Variants in LMBRD2 observed in about 807,000 individuals in gnomAD.
The protein encoded by LMBRD2 is G protein-coupled receptor-associated protein LMBRD2.
Under a neutral mutation model 94.4 loss-of-function variants are expected in LMBRD2, and 55 were observed. The observed-to-expected ratio is 0.58, with a 90% CI of 0.47 to 0.73. The LOEUF (loss-of-function observed/expected upper bound fraction) is 0.73. Among genes scored for constraint, LMBRD2 ranks in the 30% least tolerant of loss-of-function variants. LMBRD2 has a pLI of 0.00. For missense variants in LMBRD2, 640 were observed against 831.9 expected, an observed-to-expected ratio of 0.77 and a Z score of 2.84; for synonymous variants, 246 against 272.4, an observed-to-expected ratio of 0.90 and a Z score of 0.95.
intron 6 of LMBRD2, among the ~76,000 whole-genome samples, chr5:36,133,547 T>C (rs1298295845): frequency 6.6e-6 from 1 of 152,084 alleles, no homozygotes; most frequent in African/African-American, 2.4e-5. Context: ...GAAGAGCATG[T>C]ACGAAAATTT....
intron 6 of LMBRD2, among the ~76,000 whole-genome samples, chr5:36,127,479 C>T: frequency 6.6e-6 from 1 of 152,228 alleles, no homozygotes; most frequent in East Asian, 1.9e-4. Context: ...CCCCAGATTG[C>T]AGGACTCGGC....
chr5:36,126,079 C>T (rs1253911403), intron 6 of LMBRD2, among the ~76,000 whole-genome samples: 3 of 152,144 alleles, frequency 2.0e-5, no homozygotes, highest in Non-Finnish European at 4.4e-5. Flanking sequence ...AGCCCTTAAT[C>T]ATGGTTTATT....
chr5:36,112,450 A>G (rs1240699186), intron 13 of LMBRD2, among the ~76,000 whole-genome samples: 1 of 152,204 alleles, frequency 6.6e-6, no homozygotes, highest in African/African-American at 2.4e-5. Context: ...TGTGGGAATT[A>G]GACTAATTAT....
intron 4 of LMBRD2, 25 bp from the exon 5 acceptor site, chr5:36,137,466 T>C (rs773254714): frequency 1.4e-6 from 2 of 1,465,530 alleles, no homozygotes; most frequent in Middle Eastern, 2.0e-4. Flanking sequence ...AAAATATGAT[T>C]AAAAACCCAA....
intron 15 of LMBRD2, among the ~76,000 whole-genome samples, chr5:36,109,591 G>T (rs904018672): frequency 2.0e-5 from 3 of 151,840 alleles, no homozygotes; most frequent in Non-Finnish European, 4.4e-5. Context: ...TAATGTCACA[G>T]CACCAAAAAA....
intron 1 of LMBRD2, among the ~76,000 whole-genome samples, chr5:36,146,922 G>A (rs1448214584): frequency 1.8e-5 from 1 of 56,822 alleles, no homozygotes; most frequent in Non-Finnish European, 3.6e-5. Flanking sequence ...CTCTCTCTGC[G>A]TGTGTGTGTG....
chr5:36,117,975 C>T, intron 9 of LMBRD2, 59 bp from the exon 10 acceptor site: 1 of 1,304,708 alleles, frequency 7.7e-7, no homozygotes, highest in Non-Finnish European at 1.1e-6. Context: ...GGGATATTTA[C>T]ATTGTTTCAA....
chr5:36,119,189 C>T (rs759234621), intron 9 of LMBRD2, among the ~76,000 whole-genome samples: 1 of 152,076 alleles, frequency 6.6e-6, no homozygotes. Flanking sequence ...ATACCCTTAT[C>T]TCTCATTTCT....
At chr5:36,104,188 A>G in intron 17 of LMBRD2, 82 bp from the exon 18 acceptor site, 1 of 1,077,690 alleles carries the variant, frequency 9.3e-7, no homozygotes, top group African/African-American at 1.6e-5. Context: ...ATTAAAAGGG[A>G]GTGGCCATAT....
chr5:36,129,474 G>GA (rs368442230), intron 6 of LMBRD2, among the ~76,000 whole-genome samples: 3,794 of 132,016 alleles, frequency 0.029, 141 homozygotes, highest in African/African-American at 0.093. Flanking sequence ...AATGCTGAAA[G>GA]AAAAAAAAAA....
chr5:36,104,211 C>T, intron 17 of LMBRD2, 105 bp from the exon 18 acceptor site: 1 of 845,422 alleles, frequency 1.2e-6, no homozygotes, highest in East Asian at 2.7e-5. Context: ...TTTGTAAGTA[C>T]TGTAAAATCT....
chr5:36,136,549 A>T (rs1253582647), intron 5 of LMBRD2, 30 bp from the exon 6 acceptor site: 1 of 1,575,888 alleles, frequency 6.3e-7, no homozygotes, highest in East Asian at 2.2e-5. Flanking sequence ...GATAATATGT[A>T]TATTTTAATG....
rs966026864 is a variant in LMBRD2 at position 36,124,151 on chromosome 5, T to C, written c.822+40A>G. On this transcript the variant is annotated intron_variant, in intron 7 of 17. Coordinates refer to ENST00000296603, the MANE Select transcript of LMBRD2 (RefSeq NM_001007527.2). ...TACTTTTGGTATAATATTATATAAGTGTATATTTCAAAAGGAAACAGACAA... is the reference window on the plus strand; with the variant it reads ...TACTTTTGGTATAATATTATATAAGCGTATATTTCAAAAGGAAACAGACAA... 2.6e-6 allele frequency: 3 copies of C among 1,134,468 alleles called. No individual in the cohort carries two copies. In the African/African-American group the frequency reaches 4.7e-5, roughly 18 times the overall value. 70.3% of individuals were successfully genotyped at this position (1,134,468 alleles called of 1,614,324 possible).
chr5:36,122,223 T>G, intron 9 of LMBRD2, 57 bp downstream of exon 9: 2 of 1,288,062 alleles, frequency 1.6e-6, no homozygotes, highest in South Asian at 2.9e-5. Flanking sequence ...ATACATAACT[T>G]CTTTCTACAG....
At chr5:36,142,314 T>C (rs955278305) in intron 3 of LMBRD2, among the ~76,000 whole-genome samples, 188 bp downstream of exon 3, 1 of 152,158 alleles carries the variant, frequency 6.6e-6, no homozygotes, top group South Asian at 2.1e-4. Flanking sequence ...GACCAATAAA[T>C]ATTAAAAATT....
chr5:36,120,518 C>T (rs1743865202), intron 9 of LMBRD2, among the ~76,000 whole-genome samples: 1 of 152,166 alleles, frequency 6.6e-6, no homozygotes, highest in African/African-American at 2.4e-5. Flanking sequence ...CTCGGCCTCC[C>T]AAAGTGCTGG....
At chr5:36,105,010 A>T in intron 17 of LMBRD2, 58 bp downstream of exon 17, 1 of 1,521,456 alleles carries the variant, frequency 6.6e-7, no homozygotes, top group Non-Finnish European at 9.0e-7. Context: ...TGTCAAGTCA[A>T]TGTGTTATTA....
rs1452088785 is a variant in LMBRD2, at chr5:36,108,529, C to A, written c.1897+5G>T. 2.0e-6 allele frequency: 3 copies of A among 1,482,428 alleles called. No individual in the cohort carries two copies. The highest frequency in any genetic ancestry group is 2.8e-6 in the Non-Finnish European group (3 of 1,076,776). The allele number at this position is 1,482,428 out of a possible 1,614,324, so 91.8% of individuals were successfully genotyped here. A position where few individuals can be genotyped will look rare whatever the true frequency, so the allele number is the denominator to read the frequency against. On this transcript the variant is annotated splice_donor_5th_base_variant and intron_variant, in intron 16 of 17. Transcript: ENST00000296603. Reference sequence around the variant, plus strand: ...TCCAAGTGAACTAGAAGATAAACTACTTACAACGGTTGGTATTAACATCTG... The same window carrying A: ...TCCAAGTGAACTAGAAGATAAACTAATTACAACGGTTGGTATTAACATCTG...
intron 11 of LMBRD2, among the ~76,000 whole-genome samples, chr5:36,115,425 G>A (rs140441260): frequency 2.8e-4 from 43 of 152,186 alleles, no homozygotes; most frequent in African/African-American, 8.2e-4. Flanking sequence ...TAAGCCATCC[G>A]TAAAATCCAT....
Sources: gnomAD v4.1 joint callset for allele counts (sites outside exome capture counted in the v4.1 genomes callset) on GRCh38, gnomAD v4.1.1 for gene constraint, MANE v1.5 for transcripts, NCBI Gene and HGNC (gene_info 2026-07-23, HGNC 2026-07-21) for gene names.